DLC1: variants seen among roughly 807,000 people sequenced by gnomAD.
DLC1 encodes DLC1 Rho GTPase activating protein.
Under a neutral mutation model 140.3 loss-of-function variants are expected in DLC1, and 54 were observed. That is an observed-to-expected ratio of 0.38 (90% CI 0.31 to 0.48). The LOEUF (loss-of-function observed/expected upper bound fraction) is 0.48, where lower values mean the gene tolerates loss of function less well. Among genes scored for constraint, DLC1 ranks in the 20% least tolerant of loss-of-function variants. The pLI is 0.96. For missense variants in DLC1, 2,536 were observed against 1,907.0 expected (o/e 1.33, Z -6.14); for synonymous variants, 986 against 728.1 (o/e 1.35, Z -5.70).
intron 2 of DLC1, among the ~76,000 whole-genome samples, chr8:13,486,431 G>C (rs1457190400): frequency 6.6e-6 from 1 of 151,874 alleles, no homozygotes; most frequent in Non-Finnish European, 1.5e-5. Flanking sequence ...TTAATATTAG[G>C]TTTGTGTTAC....
chr8:13,507,960 T>G (rs1200807984), intron 1 of DLC1, among the ~76,000 whole-genome samples: 2 of 152,210 alleles, frequency 1.3e-5, no homozygotes, highest in Non-Finnish European at 2.9e-5. Flanking sequence ...TTTAGGTATA[T>G]CTGAGTTTTT....
At chr8:13,179,295 G>A (rs912783081) in intron 5 of DLC1, among the ~76,000 whole-genome samples, 4 of 151,820 alleles carry the variant, frequency 2.6e-5, no homozygotes, top group East Asian at 1.9e-4. Flanking sequence ...GGAAGGGATC[G>A]TCTGCAGAGT....
intron 5 of DLC1, among the ~76,000 whole-genome samples, chr8:13,135,130 T>A (rs948294096): frequency 2.6e-5 from 4 of 150,952 alleles, no homozygotes; most frequent in Admixed American, 6.6e-5. Context: ...GCCAGGAAAG[T>A]AAAAGCAAGA....
chr8:13,554,560 A>C (rs1803975417), intron 1 of DLC1, among the ~76,000 whole-genome samples: 1 of 152,136 alleles, frequency 6.6e-6, no homozygotes, highest in Non-Finnish European at 1.5e-5. Flanking sequence ...ATTTCCACTC[A>C]TGGTGACTCA....
intron 4 of DLC1, among the ~76,000 whole-genome samples, chr8:13,391,792 A>G (rs1836773571): frequency 6.6e-6 from 1 of 152,146 alleles, no homozygotes; most frequent in Admixed American, 6.6e-5. Context: ...ACCAGTAATT[A>G]TATCAGGGAG....
At chr8:13,247,580 A>T (rs915107297) in intron 5 of DLC1, among the ~76,000 whole-genome samples, 1 of 152,166 alleles carries the variant, frequency 6.6e-6, no homozygotes, top group Non-Finnish European at 1.5e-5. Flanking sequence ...AATTCCCTAC[A>T]TTCTAAGCAC....
chr8:13,530,725 T>C (rs1803068534), intron 1 of DLC1, among the ~76,000 whole-genome samples: 2 of 152,246 alleles, frequency 1.3e-5, no homozygotes, highest in South Asian at 4.1e-4. Context: ...AGTACTCATA[T>C]TTTAATAAGC....
upstream of DLC1, among the ~76,000 whole-genome samples, chr8:13,518,324 G>T (rs577838833): frequency 6.6e-6 from 1 of 152,118 alleles, no homozygotes; most frequent in Admixed American, 6.5e-5. Context: ...GGCCAGGGTG[G>T]TCTTAAACTC....
At chr8:13,430,896 T>G (rs1479851731) in intron 2 of DLC1, among the ~76,000 whole-genome samples, 2 of 152,242 alleles carry the variant, frequency 1.3e-5, no homozygotes, top group African/African-American at 4.8e-5. Flanking sequence ...ATATTCACAA[T>G]ACATTTTGAA....
At chr8:13,276,275 G>C in intron 5 of DLC1, 3 of 1,535,430 alleles carry the variant, frequency 2.0e-6, no homozygotes, top group Non-Finnish European at 2.6e-6. Context: ...CCAGCCGTCT[G>C]TCTCTAGTGT....
At chr8:13,372,451 T>C (rs147038342) in intron 4 of DLC1, among the ~76,000 whole-genome samples, 2 of 152,056 alleles carry the variant, frequency 1.3e-5, no homozygotes, top group East Asian at 1.9e-4. Context: ...TCCAAGAAAA[T>C]GTCCAAACAA....
At chr8:13,332,104 A>G (rs960750505) in intron 4 of DLC1, among the ~76,000 whole-genome samples, 7 of 152,212 alleles carry the variant, frequency 4.6e-5, no homozygotes, top group African/African-American at 1.7e-4. Flanking sequence ...CCTTGATTGG[A>G]CATGGAATGT....
chr8:13,343,785 T>G (rs998197966), intron 4 of DLC1, among the ~76,000 whole-genome samples: 6 of 152,184 alleles, frequency 3.9e-5, no homozygotes, highest in Admixed American at 2.6e-4. Context: ...AGGCCTTTGG[T>G]TCAATTGATG....
chr8:13,499,702 C>A lies in DLC1; in HGVS notation c.370G>T (p.Asp124Tyr), dbSNP rs768149183. Residue 124 changes from aspartate to tyrosine, a missense_variant, in exon 2 of 18, where the codon GAT (aspartate) becomes TAT (tyrosine). Asp to Tyr is a radical substitution (Grantham distance 160). Coordinates refer to ENST00000276297, the MANE Select transcript of DLC1 (RefSeq NM_182643.3). ...CCTTGGGTATTTAAAACCTGTTTAT[C>A]ATCTGTAAGGCATAAATCAGCATTG... ...DNNADLCLTD[D>Y]KQVLNTQGQK... 1 of 1,614,160 alleles carries A rather than the reference C, an allele frequency of 6.2e-7. No homozygotes were observed. The highest frequency in any genetic ancestry group is 1.3e-5 in the African/African-American group (1 of 75,034).
chr8:13,592,877 T>A (rs1042579236), intron 1 of DLC1, among the ~76,000 whole-genome samples: 3 of 152,134 alleles, frequency 2.0e-5, no homozygotes, highest in Non-Finnish European at 4.4e-5. Flanking sequence ...ATTATTCTAT[T>A]TGATTCTATT....
chr8:13,346,060 G>A (rs1834320474), intron 4 of DLC1, among the ~76,000 whole-genome samples: 1 of 152,170 alleles, frequency 6.6e-6, no homozygotes, highest in African/African-American at 2.4e-5. Flanking sequence ...GGTTTCATAA[G>A]CTAGATACTT....
At chr8:13,512,064 C>G (rs180875887) in intron 1 of DLC1, among the ~76,000 whole-genome samples, 78 of 152,078 alleles carry the variant, frequency 5.1e-4, no homozygotes, top group Middle Eastern at 3.4e-3. Flanking sequence ...AAGTGATGTG[C>G]TATCTTTTAC....
intron 4 of DLC1, among the ~76,000 whole-genome samples, chr8:13,375,904 A>G (rs1835960030): frequency 6.6e-6 from 1 of 152,166 alleles, no homozygotes; most frequent in African/African-American, 2.4e-5. Context: ...ATATCTCTCT[A>G]TATAGTCAAC....
chr8:13,583,246 A>T, intron 1 of DLC1, among the ~76,000 whole-genome samples: 1 of 152,178 alleles, frequency 6.6e-6, no homozygotes, highest in East Asian at 1.9e-4. Context: ...CTTGGAGTCA[A>T]TTCTCTCAAA....
Sources: gnomAD v4.1 joint callset for allele counts (sites outside exome capture counted in the v4.1 genomes callset) on GRCh38, gnomAD v4.1.1 for gene constraint, MANE v1.5 for transcripts, NCBI Gene and HGNC (gene_info 2026-07-23, HGNC 2026-07-21) for gene names.